The following ATP2B2 variants were observed in gnomAD, a reference collection of about 807,000 sequenced individuals.
The protein encoded by ATP2B2 is plasma membrane calcium-transporting ATPase 2.
In ATP2B2, 15 loss-of-function variants were observed where a neutral mutation model predicts 120.0. The observed-to-expected ratio is 0.12, with a 90% CI of 0.08 to 0.19. The LOEUF (loss-of-function observed/expected upper bound fraction) is 0.19, where lower values mean the gene tolerates loss of function less well. Among genes scored for constraint, ATP2B2 ranks in the 10% least tolerant of loss-of-function variants. ATP2B2 has a pLI of 1.00. For missense variants in ATP2B2, 1,045 were observed against 1,719.8 expected (o/e 0.61, Z 6.94); for synonymous variants, 694 against 700.3 (o/e 0.99, Z 0.14).
intron 3 of ATP2B2, among the ~76,000 whole-genome samples, chr3:10,530,493 C>G (rs552273863): frequency 6.6e-6 from 1 of 152,194 alleles, no homozygotes; most frequent in Non-Finnish European, 1.5e-5. Context: ...CTGGCTCTGA[C>G]GAGTGGTTAC....
chr3:10,432,873 C>A lies in ATP2B2; in HGVS notation c.199+16472G>T, dbSNP rs148577958. On this transcript the variant is annotated intron_variant, in intron 2 of 22. Coordinates refer to ENST00000360273, the MANE Select transcript of ATP2B2 (RefSeq NM_001001331.4). ...TGGAGAGGTTGCTGTTGGCTTTGGCCAGGGTTAGATTCTCTGATGTCTCTG... is the reference window on the plus strand; with the variant it reads ...TGGAGAGGTTGCTGTTGGCTTTGGCAAGGGTTAGATTCTCTGATGTCTCTG... 3.0e-3 allele frequency among the ~76,000 whole-genome samples: 460 copies of A among 152,232 alleles called. 3 individuals are homozygous for A. The highest frequency in any genetic ancestry group is 0.01 in the African/African-American group (432 of 41,538).
At chr3:10,502,529 C>T (rs1322492125) in intron 1 of ATP2B2, among the ~76,000 whole-genome samples, 1 of 152,234 alleles carries the variant, frequency 6.6e-6, no homozygotes, top group African/African-American at 2.4e-5. Flanking sequence ...CAGGTCTCTA[C>T]AGAACACGGT....
At chr3:10,445,973 AC>A (rs2063823807) in intron 2 of ATP2B2, among the ~76,000 whole-genome samples, 1 of 152,120 alleles carries the variant, frequency 6.6e-6, no homozygotes, top group African/African-American at 2.4e-5. Context: ...CCTTGGCCCC[AC>A]CCTATTCAGG....
At chr3:10,637,904 A>G (rs1271775952) in intron 1 of ATP2B2, among the ~76,000 whole-genome samples, 6 of 152,182 alleles carry the variant, frequency 3.9e-5, no homozygotes, top group African/African-American at 1.4e-4. Flanking sequence ...CAGCCAGAAA[A>G]AAAAAAGCAT....
chr3:10,497,028 C>T (rs2066179889), intron 1 of ATP2B2, among the ~76,000 whole-genome samples: 1 of 152,222 alleles, frequency 6.6e-6, no homozygotes, highest in Non-Finnish European at 1.5e-5. Context: ...GGCTGGTGGG[C>T]TTGCAGGATG....
At chr3:10,512,474 A>G (rs1057468608) in intron 3 of ATP2B2, among the ~76,000 whole-genome samples, 1,938 of 68,722 alleles carry the variant, frequency 0.028, 77 homozygotes, top group East Asian at 0.25. Flanking sequence ...GCACACACAC[A>G]CACACACACA....
Position 10,328,276 on chromosome 3 carries a change from C to T in ATP2B2, c.*538G>A, listed in dbSNP as rs997963432. ...GCAAATCTACTAGGCGAGTTAAGCT[C>T]TGCAATTTCAAAAAGTTATTAAATT... On this transcript the variant is annotated 3_prime_UTR_variant, in exon 23 of 23. Coordinates refer to ENST00000360273, the MANE Select transcript of ATP2B2 (RefSeq NM_001001331.4). The T allele has an allele frequency of 9.7e-5, 15 of 154,450 alleles. No homozygotes were observed. Among genetic ancestry groups the T allele is most frequent in the Non-Finnish European group, 2.2e-4 (15 of 69,364 alleles). 9.6% of individuals were successfully genotyped at this position (154,450 alleles called of 1,614,324 possible).
chr3:10,705,031 A>C (rs537073720), intron 1 of ATP2B2, among the ~76,000 whole-genome samples: 1 of 152,348 alleles, frequency 6.6e-6, no homozygotes, highest in African/African-American at 2.4e-5. Context: ...TTCTGCTGTT[A>C]CAAATGCTAG....
intron 1 of ATP2B2, among the ~76,000 whole-genome samples, chr3:10,474,420 G>A (rs2065129279): frequency 6.6e-6 from 1 of 152,156 alleles, no homozygotes. Flanking sequence ...CTTAAAGATG[G>A]TATTTAAAGC....
chr3:10,641,888 A>C (rs1228356160), intron 1 of ATP2B2, among the ~76,000 whole-genome samples: 6 of 151,918 alleles, frequency 3.9e-5, no homozygotes, highest in Non-Finnish European at 7.4e-5. Context: ...CCACCCATCC[A>C]TCCATTCACC....
intron 1 of ATP2B2, among the ~76,000 whole-genome samples, chr3:10,464,497 T>C (rs1310941347): frequency 6.6e-6 from 1 of 151,956 alleles, no homozygotes; most frequent in African/African-American, 2.4e-5. Flanking sequence ...CAGCCCTAGC[T>C]CCACACCATA....
chr3:10,415,115 C>T (rs557391967), intron 2 of ATP2B2, among the ~76,000 whole-genome samples: 3 of 152,194 alleles, frequency 2.0e-5, no homozygotes, highest in South Asian at 2.1e-4. Context: ...GGATGGCCTG[C>T]GTTCAAATCC....
At chr3:10,352,248 G>C (rs2060599669) in intron 14 of ATP2B2, among the ~76,000 whole-genome samples, 1 of 152,250 alleles carries the variant, frequency 6.6e-6, no homozygotes, top group Non-Finnish European at 1.5e-5. Flanking sequence ...CATGGGGAGG[G>C]CACTACCCTC....
At chr3:10,585,291 C>T (rs1357099180) in intron 2 of ATP2B2, among the ~76,000 whole-genome samples, 2 of 151,654 alleles carry the variant, frequency 1.3e-5, no homozygotes, top group Non-Finnish European at 2.9e-5. Flanking sequence ...GTCAGGAGAT[C>T]GAGACCATCC....
At chr3:10,408,397 T>C (rs2062491400) in intron 3 of ATP2B2, among the ~76,000 whole-genome samples, 1 of 152,204 alleles carries the variant, frequency 6.6e-6, no homozygotes, top group African/African-American at 2.4e-5. Flanking sequence ...CCAGCCTGAC[T>C]TGGGGCACAG....
Position 10,340,800 on chromosome 3 carries a change from A to T in ATP2B2, c.2918-96T>A. ...TCGTGGGGGCCTCTTCTGAGCAGTG[A>T]CGTGAATCCCCAAGACATCAAGGCA... is the stretch of plus-strand genomic sequence containing the variant. On this transcript the variant is annotated intron_variant, in intron 19 of 22. Coordinates refer to ENST00000360273, the MANE Select transcript of ATP2B2 (RefSeq NM_001001331.4). The surrounding 1 kb of genome is among the most constrained non-coding windows in gnomAD (Gnocchi z 5.0). The T allele has an allele frequency of 3.2e-6, 4 of 1,236,494 alleles. No individual in the cohort carries two copies. Among genetic ancestry groups the T allele is most frequent in the Middle Eastern group, 4.0e-4 (2 of 5,040 alleles). 76.6% of individuals were successfully genotyped at this position (1,236,494 alleles called of 1,614,324 possible).
At chr3:10,435,016 A>T (rs189753887) in intron 2 of ATP2B2, among the ~76,000 whole-genome samples, 1 of 152,332 alleles carries the variant, frequency 6.6e-6, no homozygotes, top group East Asian at 1.9e-4. Context: ...GAGTTCTAGG[A>T]ATGACCCTTC....
intron 3 of ATP2B2, among the ~76,000 whole-genome samples, chr3:10,406,537 G>A (rs1280532992): frequency 6.6e-6 from 1 of 152,194 alleles, no homozygotes; most frequent in Admixed American, 6.5e-5. Flanking sequence ...ATTCAGTCTG[G>A]TCACATGCTG....
chr3:10,663,919 C>T (rs879212289), intron 1 of ATP2B2, among the ~76,000 whole-genome samples: 1 of 152,070 alleles, frequency 6.6e-6, no homozygotes, highest in African/African-American at 2.4e-5. Context: ...CCTGCTCTGT[C>T]CTTAGGAGTG....
Sources: gnomAD v4.1 joint callset for allele counts (sites outside exome capture counted in the v4.1 genomes callset) on GRCh38, gnomAD v4.1.1 for gene constraint, Gnocchi (gnomAD v3.1) non-coding constraint, MANE v1.5 for transcripts, NCBI Gene and HGNC (gene_info 2026-07-23, HGNC 2026-07-21) for gene names.